The following RBFOX1 variants were observed in gnomAD, a reference collection of about 807,000 sequenced individuals.
RBFOX1 encodes RNA binding protein fox-1 homolog 1.
RBFOX1 carries 8 observed loss-of-function variants against 57.7 expected under a neutral mutation model. That is an observed-to-expected ratio of 0.14 (90% CI 0.08 to 0.25). RBFOX1 has a LOEUF of 0.25. Ranked by LOEUF, RBFOX1 falls within the 10% of genes least tolerant of loss-of-function variation. The pLI is 1.00. For missense variants in RBFOX1, 611 were observed against 548.5 expected, an observed-to-expected ratio of 1.11 and a Z score of -1.14; for synonymous variants, 326 against 222.4, an observed-to-expected ratio of 1.47 and a Z score of -4.15.
intron 4 of RBFOX1, among the ~76,000 whole-genome samples, chr16:7,171,417 C>T (rs927015107): frequency 7.9e-5 from 12 of 152,206 alleles, no homozygotes; most frequent in Non-Finnish European, 1.8e-4. Flanking sequence ...CACTTTATCC[C>T]TGTTTTGTAT....
chr16:7,558,035 C>T (rs2089239766), intron 5 of RBFOX1, among the ~76,000 whole-genome samples: 1 of 152,186 alleles, frequency 6.6e-6, no homozygotes, highest in African/African-American at 2.4e-5. Context: ...ATATTCAAAA[C>T]TCATTATTTC....
chr16:7,036,677 A>C (rs919740008), intron 3 of RBFOX1, among the ~76,000 whole-genome samples: 1 of 152,008 alleles, frequency 6.6e-6, no homozygotes, highest in Non-Finnish European at 1.5e-5. Context: ...TCGTCGAAAG[A>C]GCAAAACTCC....
At chr16:6,268,838 A>G (rs2074862886) in intron 1 of RBFOX1, among the ~76,000 whole-genome samples, 1 of 152,210 alleles carries the variant, frequency 6.6e-6, no homozygotes, top group Non-Finnish European at 1.5e-5. Flanking sequence ...CAGAGAACAA[A>G]CAAAATGCCT....
intron 1 of RBFOX1, among the ~76,000 whole-genome samples, chr16:6,133,278 C>A (rs1482647444): frequency 1.3e-5 from 2 of 152,178 alleles, no homozygotes; most frequent in Non-Finnish European, 2.9e-5. Flanking sequence ...ATTGTGCTAT[C>A]TTCCTCGCTT....
intron 4 of RBFOX1, among the ~76,000 whole-genome samples, chr16:7,453,087 C>G (rs913016525): frequency 1.3e-5 from 2 of 150,070 alleles, no homozygotes; most frequent in East Asian, 3.9e-4. Context: ...TGAGATCGCA[C>G]CACTGCACTC....
chr16:6,208,266 A>AT (rs957092205), intron 1 of RBFOX1, among the ~76,000 whole-genome samples: 1 of 151,544 alleles, frequency 6.6e-6, no homozygotes, highest in Non-Finnish European at 1.5e-5. Flanking sequence ...GGGATATGGA[A>AT]TTTTTTTTTA....
intron 5 of RBFOX1, among the ~76,000 whole-genome samples, chr16:7,527,344 C>G (rs557689601): frequency 3.9e-5 from 6 of 152,108 alleles, no homozygotes; most frequent in Middle Eastern, 3.4e-3. Context: ...TTTTAAAGAC[C>G]CTGGTCATCA....
chr16:6,002,492 A>G (rs2152330525), intron 4 of RBFOX1, among the ~76,000 whole-genome samples: 1 of 152,304 alleles, frequency 6.6e-6, no homozygotes, highest in East Asian at 1.9e-4. Flanking sequence ...GTTGTTTAAA[A>G]CAGGAAATCT....
intron 3 of RBFOX1, among the ~76,000 whole-genome samples, chr16:7,023,565 A>G (rs930802327): frequency 1.3e-5 from 1 of 76,334 alleles, no homozygotes; most frequent in East Asian, 3.8e-4. Flanking sequence ...CGTCTGTACT[A>G]AAAAAAAAAA....
intron 2 of RBFOX1, among the ~76,000 whole-genome samples, chr16:5,501,608 A>G (rs995221872): frequency 3.9e-5 from 6 of 152,346 alleles, no homozygotes; most frequent in African/African-American, 1.4e-4. Flanking sequence ...AGGCAATTAT[A>G]GCATCTTCCT....
intron 2 of RBFOX1, among the ~76,000 whole-genome samples, chr16:6,492,756 C>G (rs2095662524): frequency 6.6e-6 from 1 of 152,028 alleles, no homozygotes; most frequent in South Asian, 2.1e-4. Context: ...AGGTCAAGGA[C>G]CCTTGTAGGA....
intron 3 of RBFOX1, among the ~76,000 whole-genome samples, chr16:6,857,201 G>A (rs2058068271): frequency 6.6e-6 from 1 of 152,180 alleles, no homozygotes; most frequent in Non-Finnish European, 1.5e-5. Context: ...TGGGACTTTG[G>A]CTCTCTCTAC....
chr16:6,629,249 A>G (rs1476622092), intron 2 of RBFOX1, among the ~76,000 whole-genome samples: 3 of 152,186 alleles, frequency 2.0e-5, no homozygotes, highest in Non-Finnish European at 4.4e-5. Flanking sequence ...GGAAAAGGTA[A>G]CCTCATCCCA....
chr16:5,359,149 CT>C, intron 1 of RBFOX1, among the ~76,000 whole-genome samples: 1 of 152,210 alleles, frequency 6.6e-6, no homozygotes, highest in Non-Finnish European at 1.5e-5. Flanking sequence ...GGACCTCATT[CT>C]TTTTTGATGG....
intron 3 of RBFOX1, among the ~76,000 whole-genome samples, chr16:6,831,103 A>C (rs1251071777): frequency 1.3e-5 from 2 of 152,224 alleles, no homozygotes; most frequent in Non-Finnish European, 2.9e-5. Flanking sequence ...ATAGATTCAT[A>C]CTACTCCATT....
intron 1 of RBFOX1, among the ~76,000 whole-genome samples, chr16:6,233,889 C>T (rs2097485203): frequency 6.6e-6 from 1 of 152,062 alleles, no homozygotes; most frequent in South Asian, 2.1e-4. Context: ...TTTTGTGCTC[C>T]CATAATAGAA....
chr16:5,878,663 C>G (rs888055812), intron 4 of RBFOX1, among the ~76,000 whole-genome samples: 1 of 152,052 alleles, frequency 6.6e-6, no homozygotes, highest in Non-Finnish European at 1.5e-5. Flanking sequence ...GGGCTGATAT[C>G]CCACTTACCT....
intron 14 of RBFOX1, among the ~76,000 whole-genome samples, chr16:7,697,557 T>C (rs1046000333): frequency 3.9e-5 from 6 of 152,218 alleles, no homozygotes; most frequent in African/African-American, 1.4e-4. Flanking sequence ...TATGATAAAC[T>C]ATATATGCAT....
chr16:5,841,173 C>T (rs888785882), intron 3 of RBFOX1, among the ~76,000 whole-genome samples: 3 of 152,192 alleles, frequency 2.0e-5, no homozygotes, highest in African/African-American at 4.8e-5. Flanking sequence ...TCATCTCCAA[C>T]ACTATATAGA....
Sources: allele counts gnomAD v4.1 joint callset (sites outside exome capture counted in the v4.1 genomes callset), GRCh38; gene constraint gnomAD v4.1.1; transcripts MANE v1.5; gene names NCBI Gene and HGNC (gene_info 2026-07-23, HGNC 2026-07-21).